Variants in NRXN3 observed in about 807,000 individuals in gnomAD.
The protein encoded by NRXN3 is neurexin 3, also known as neurexin III.
NRXN3 carries 32 observed loss-of-function variants against 137.6 expected under a neutral mutation model. The observed-to-expected ratio is 0.23, with a 90% CI of 0.18 to 0.31. NRXN3 has a LOEUF of 0.31. NRXN3 is among the 10% of genes least tolerant of loss of function. The pLI is 1.00. For synonymous variants in NRXN3, 798 were observed against 784.5 expected (o/e 1.02, Z -0.29); for missense variants, 1,574 against 2,062.5 (o/e 0.76, Z 4.59).
intron 15 of NRXN3, among the ~76,000 whole-genome samples, chr14:79,032,051 A>G (rs751285071): frequency 6.6e-6 from 1 of 152,168 alleles, no homozygotes; most frequent in Non-Finnish European, 1.5e-5. Context: ...AAACAAGGAA[A>G]GGGAATGTTT....
At chr14:79,413,268 A>T (rs2095445550) in intron 15 of NRXN3, among the ~76,000 whole-genome samples, 1 of 152,126 alleles carries the variant, frequency 6.6e-6, no homozygotes, top group Admixed American at 6.6e-5. Flanking sequence ...CTGAGAAGTT[A>T]TTTTCATTGT....
chr14:79,703,820 C>T (rs1204582211), intron 19 of NRXN3, among the ~76,000 whole-genome samples: 1 of 152,072 alleles, frequency 6.6e-6, no homozygotes, highest in African/African-American at 2.4e-5. Context: ...CCGTAGGCTC[C>T]TTGTAAATAG....
intron 8 of NRXN3, among the ~76,000 whole-genome samples, chr14:78,799,811 G>A (rs943685711): frequency 1.6e-4 from 24 of 152,136 alleles, no homozygotes; most frequent in South Asian, 8.3e-4. Flanking sequence ...GGGGTTTTTC[G>A]TTATAAAACC....
Position 78,170,457 on chromosome 14 carries a change from TCAGCCTCGGCATCTC to T in NRXN3, c.-915_-901del, listed in dbSNP as rs2058624803. ...GAGAGGCAACCTGTCCTCCCCTCTC[TCAGCCTCGGCATCTC>T]CAGCCACCAAGGACCTGCTTTTCGC... is the stretch of plus-strand genomic sequence containing the variant. On this transcript the variant is annotated 5_prime_UTR_variant, in exon 1 of 21. Coordinates refer to ENST00000335750, the MANE Select transcript of NRXN3 (RefSeq NM_001330195.2). The T allele has an allele frequency of 6.6e-6, 1 of 152,110 alleles. No individual in the cohort carries two copies. The highest frequency in any genetic ancestry group is 2.1e-4 in the South Asian group (1 of 4,808). The allele number at this position is 152,110 out of a possible 1,614,324, so 9.4% of individuals were successfully genotyped here.
intron 10 of NRXN3, among the ~76,000 whole-genome samples, chr14:78,841,671 C>G (rs1015455588): frequency 1.3e-5 from 2 of 151,788 alleles, no homozygotes; most frequent in African/African-American, 4.8e-5. Flanking sequence ...TGTTTTTTCA[C>G]TCTCCCTCCA....
chr14:79,133,095 T>C (rs2057773002), intron 15 of NRXN3, among the ~76,000 whole-genome samples: 1 of 152,242 alleles, frequency 6.6e-6, no homozygotes, highest in Non-Finnish European at 1.5e-5. Flanking sequence ...GCAGTAAGTC[T>C]TTAGTTGCAG....
chr14:78,922,481 A>G (rs2032550118), intron 10 of NRXN3, among the ~76,000 whole-genome samples: 1 of 152,208 alleles, frequency 6.6e-6, no homozygotes, highest in Admixed American at 6.5e-5. Context: ...TTGTCAGATC[A>G]AGTTTACGCT....
intron 4 of NRXN3, among the ~76,000 whole-genome samples, chr14:78,569,835 C>G (rs1157868057): frequency 1.3e-5 from 2 of 152,146 alleles, no homozygotes; most frequent in Non-Finnish European, 2.9e-5. Context: ...GTCCAGAACT[C>G]CTAGACTCAA....
intron 15 of NRXN3, among the ~76,000 whole-genome samples, chr14:79,214,504 T>C (rs953472481): frequency 6.6e-6 from 1 of 152,192 alleles, no homozygotes; most frequent in African/African-American, 2.4e-5. Context: ...TGATAAATAT[T>C]TGAGATGATA....
At chr14:79,384,657 T>A (rs1301824568) in intron 15 of NRXN3, among the ~76,000 whole-genome samples, 3 of 152,154 alleles carry the variant, frequency 2.0e-5, no homozygotes, top group African/African-American at 4.8e-5. Flanking sequence ...GTTTTGAAAC[T>A]GTGAAGGTGT....
In NRXN3 at chr14:78,445,964, C is replaced by T. The variant is rs2094406480; in HGVS notation, c.757+148104C>T. ...TTGTGGGAGAGTGGGGGTAAAGCTT[C>T]CCGGCAAAGTGTGAGTGGCAGGCAA... On this transcript the variant is annotated intron_variant, in intron 4 of 20. Coordinates refer to ENST00000335750, the MANE Select transcript of NRXN3 (RefSeq NM_001330195.2). 2.6e-5 allele frequency among the ~76,000 whole-genome samples: 4 copies of T among 152,226 alleles called. No homozygotes were observed. In the South Asian group the frequency reaches 8.3e-4, roughly 32 times the overall value.
At chr14:79,454,402 G>C (rs1470329841) in intron 15 of NRXN3, among the ~76,000 whole-genome samples, 1 of 152,084 alleles carries the variant, frequency 6.6e-6, no homozygotes, top group African/African-American at 2.4e-5. Context: ...TTTTAGTAGA[G>C]ACAGGGTTTC....
At chr14:78,489,111 A>G (rs1456176191) in intron 4 of NRXN3, among the ~76,000 whole-genome samples, 1 of 152,170 alleles carries the variant, frequency 6.6e-6, no homozygotes, top group East Asian at 1.9e-4. Context: ...TGGTGTGGAT[A>G]GCTGAGAACC....
intron 15 of NRXN3, among the ~76,000 whole-genome samples, chr14:79,300,902 A>G (rs1039228357): frequency 7.2e-5 from 11 of 151,978 alleles, no homozygotes; most frequent in African/African-American, 2.4e-4. Context: ...GATTTGGGAA[A>G]TAAAGACTTT....
intron 15 of NRXN3, among the ~76,000 whole-genome samples, chr14:79,415,588 G>T (rs1195936670): frequency 6.6e-6 from 1 of 152,076 alleles, no homozygotes; most frequent in African/African-American, 2.4e-5. Context: ...TCAAAAGAGG[G>T]ATTGCTGGAT....
chr14:79,338,902 G>A (rs539950474), intron 15 of NRXN3, among the ~76,000 whole-genome samples: 4 of 152,156 alleles, frequency 2.6e-5, no homozygotes, highest in East Asian at 1.9e-4. Context: ...TTCTTATTTC[G>A]GAGTCACTGT....
chr14:79,335,773 T>C (rs1056509419), intron 15 of NRXN3, among the ~76,000 whole-genome samples: 13 of 152,166 alleles, frequency 8.5e-5, no homozygotes, highest in African/African-American at 3.1e-4. Context: ...CCAGCTGCTC[T>C]TCTGCATTTA....
intron 4 of NRXN3, among the ~76,000 whole-genome samples, chr14:78,370,044 T>C (rs1000381581): frequency 6.6e-6 from 1 of 152,162 alleles, no homozygotes; most frequent in Non-Finnish European, 1.5e-5. Flanking sequence ...TCACTGCTCA[T>C]TTATCACCAA....
At chr14:78,863,775 G>A (rs967224309) in intron 10 of NRXN3, among the ~76,000 whole-genome samples, 7 of 151,998 alleles carry the variant, frequency 4.6e-5, no homozygotes, top group Non-Finnish European at 5.9e-5. Flanking sequence ...AAAATCAAGC[G>A]TGGACTTCTT....
Sources: gnomAD v4.1 joint callset for allele counts (sites outside exome capture counted in the v4.1 genomes callset) on GRCh38, gnomAD v4.1.1 for gene constraint, MANE v1.5 for transcripts, NCBI Gene and HGNC (gene_info 2026-07-23, HGNC 2026-07-21) for gene names.